Variants in SCAPER observed in about 807,000 individuals in gnomAD.
The protein encoded by SCAPER is S-phase cyclin A associated protein in the ER.
Under a neutral mutation model 182.2 loss-of-function variants are expected in SCAPER, and 98 were observed. That is an observed-to-expected ratio of 0.54 (90% CI 0.46 to 0.64). The LOEUF (loss-of-function observed/expected upper bound fraction) is 0.64, where lower values mean the gene tolerates loss of function less well. SCAPER is among the 30% of genes least tolerant of loss of function. The probability of loss-of-function intolerance (pLI) is 0.00; values close to 1 mark genes in which losing one functional copy is unlikely to be tolerated. For synonymous variants in SCAPER, 605 were observed against 564.6 expected (o/e 1.07, Z -1.01); for missense variants, 1,432 against 1,690.0 (o/e 0.85, Z 2.68).
At chr15:76,652,998 T>C (rs527773379) in intron 21 of SCAPER, among the ~76,000 whole-genome samples, 2 of 152,192 alleles carry the variant, frequency 1.3e-5, no homozygotes, top group South Asian at 2.1e-4. Flanking sequence ...AAAGGGCTCC[T>C]AGAATTGATA....
chr15:76,487,201 A>G (rs1271990107), intron 24 of SCAPER, among the ~76,000 whole-genome samples: 2 of 152,106 alleles, frequency 1.3e-5, no homozygotes, highest in African/African-American at 4.8e-5. Context: ...GGTTGGGAGG[A>G]AGGAGAGGAT....
chr15:76,667,724 G>A (rs1347782105), intron 20 of SCAPER, among the ~76,000 whole-genome samples: 3 of 150,588 alleles, frequency 2.0e-5, no homozygotes, highest in African/African-American at 7.3e-5. Context: ...AAGCCAAGGT[G>A]GGAGGATCAC....
At chr15:76,681,775 G>T (rs1166448731) in intron 20 of SCAPER, among the ~76,000 whole-genome samples, 2 of 152,134 alleles carry the variant, frequency 1.3e-5, no homozygotes, top group East Asian at 1.9e-4. Context: ...ATGCTAACAG[G>T]GAGAGCTGCT....
intron 24 of SCAPER, among the ~76,000 whole-genome samples, chr15:76,494,096 A>G (rs2040265073): frequency 6.6e-6 from 1 of 152,186 alleles, no homozygotes; most frequent in Non-Finnish European, 1.5e-5. Context: ...CTCTTTTATT[A>G]GTGCTTACTG....
intron 20 of SCAPER, among the ~76,000 whole-genome samples, chr15:76,673,990 C>CACACACA (rs2057210089): frequency 1.4e-5 from 2 of 142,644 alleles, no homozygotes; most frequent in East Asian, 2.0e-4. Flanking sequence ...CACACACACA[C>CACACACA]CCCAATCAGA....
chr15:76,373,877 G>C (rs950241006), intron 29 of SCAPER, among the ~76,000 whole-genome samples: 1 of 151,826 alleles, frequency 6.6e-6, no homozygotes, highest in Non-Finnish European at 1.5e-5. Context: ...TGTGACTTCC[G>C]AGTTCTTGGG....
chr15:76,541,107 A>G (rs1157254897), intron 23 of SCAPER, among the ~76,000 whole-genome samples: 2 of 152,156 alleles, frequency 1.3e-5, no homozygotes, highest in African/African-American at 4.8e-5. Context: ...ATGACAGGGC[A>G]AGACTCCGTC....
chr15:76,822,943 T>C (rs931056205), intron 5 of SCAPER, among the ~76,000 whole-genome samples: 1 of 152,202 alleles, frequency 6.6e-6, no homozygotes, highest in Non-Finnish European at 1.5e-5. Flanking sequence ...ACCAGTCTCA[T>C]ACCATTCTCA....
chr15:76,756,314 T>G (rs945464017), intron 14 of SCAPER, among the ~76,000 whole-genome samples: 1 of 150,468 alleles, frequency 6.6e-6, no homozygotes, highest in Non-Finnish European at 1.5e-5. Context: ...TGATGGCTCA[T>G]GCCTGGAATT....
At position 76,471,327 on chromosome 15, in the gene SCAPER, CAG is replaced by C. The variant is rs761149240; in HGVS notation, c.2961_2962del (p.Cys988GlnfsTer12). ...GAGGTTGTAAACATTGATTGCATTG[CAG>C]AGAGACCTAAAAGAAGGAGAAAAAC... On this transcript the variant is annotated frameshift_variant, in exon 25 of 32. Transcript: ENST00000563290. LOFTEE classifies it high-confidence loss of function. 1 of 1,605,080 alleles carries C rather than the reference CAG, an allele frequency of 6.2e-7. No individual in the cohort carries two copies. The highest frequency in any genetic ancestry group is 1.1e-5 in the South Asian group (1 of 89,128).
At chr15:76,514,261 T>C (rs1168949624) in intron 23 of SCAPER, among the ~76,000 whole-genome samples, 2 of 152,238 alleles carry the variant, frequency 1.3e-5, no homozygotes, top group Non-Finnish European at 2.9e-5. Context: ...GCTTCCCTTA[T>C]GTACCTGGCA....
At chr15:76,423,488 T>C (rs2046198555) in intron 26 of SCAPER, among the ~76,000 whole-genome samples, 1 of 152,232 alleles carries the variant, frequency 6.6e-6, no homozygotes. Flanking sequence ...TTTTTTATTG[T>C]GTCTATTTGA....
intron 26 of SCAPER, among the ~76,000 whole-genome samples, chr15:76,408,311 A>G (rs2045016735): frequency 2.0e-5 from 3 of 152,170 alleles, no homozygotes; most frequent in Admixed American, 2.0e-4. Flanking sequence ...ATTTTTTGGA[A>G]CTATTTATTT....
intron 10 of SCAPER, 103 bp from the exon 11 acceptor site, chr15:76,767,191 G>T (rs1194844992): frequency 2.8e-6 from 3 of 1,082,218 alleles, no homozygotes; most frequent in African/African-American, 3.2e-5. Flanking sequence ...ACATAAAATT[G>T]TATTGATCTA....
At chr15:76,573,654 T>A (rs1276514596) in intron 23 of SCAPER, among the ~76,000 whole-genome samples, 8 of 152,156 alleles carry the variant, frequency 5.3e-5, no homozygotes. Context: ...TTCTTCTTTG[T>A]ACGTTTAACA....
rs750948803 is a variant in SCAPER, at chr15:76,376,151, G to C, written c.3855+11C>G. 1 of 1,613,638 alleles carries C rather than the reference G, an allele frequency of 6.2e-7. No homozygotes were observed. The highest frequency in any genetic ancestry group is 8.5e-7 in the Non-Finnish European group (1 of 1,179,684). On this transcript the variant is annotated intron_variant, in intron 29 of 31. Transcript: ENST00000563290. Reference sequence around the variant, plus strand: ...GGGGAGCAGTCTAAGGAACTTTCCAGGGCCTCTTACCTGGTTATCTGGGTG... The same window carrying C: ...GGGGAGCAGTCTAAGGAACTTTCCACGGCCTCTTACCTGGTTATCTGGGTG...
At chr15:76,527,928 A>C (rs2043328161) in intron 23 of SCAPER, among the ~76,000 whole-genome samples, 1 of 152,136 alleles carries the variant, frequency 6.6e-6, no homozygotes, top group Non-Finnish European at 1.5e-5. Flanking sequence ...ACTATCTGGA[A>C]ACCTTGTCTT....
At chr15:76,572,967 T>C (rs1231260780) in intron 23 of SCAPER, among the ~76,000 whole-genome samples, 1 of 147,246 alleles carries the variant, frequency 6.8e-6, no homozygotes, top group Non-Finnish European at 1.5e-5. Context: ...ACTGTCAGAA[T>C]AGATTTAAAA....
intron 4 of SCAPER, among the ~76,000 whole-genome samples, chr15:76,846,630 C>T (rs930644901): frequency 6.6e-6 from 1 of 152,132 alleles, no homozygotes; most frequent in East Asian, 1.9e-4. Flanking sequence ...CAGAGAAATG[C>T]AAATCAAAAC....
Sources: gnomAD v4.1 joint callset for allele counts (sites outside exome capture counted in the v4.1 genomes callset) on GRCh38, gnomAD v4.1.1 for gene constraint, MANE v1.5 for transcripts, NCBI Gene and HGNC (gene_info 2026-07-23, HGNC 2026-07-21) for gene names.